NSUN6: variants seen among roughly 807,000 people sequenced by gnomAD.
The protein encoded by NSUN6 is NOP2/Sun RNA methyltransferase 6.
In NSUN6, 64 loss-of-function variants were observed where a neutral mutation model predicts 58.0. That is an observed-to-expected ratio of 1.10 (90% CI 0.90 to 1.36). The LOEUF (loss-of-function observed/expected upper bound fraction) is 1.36. NSUN6 is among the 40% of genes most tolerant of loss of function. The pLI is 0.00. For synonymous variants in NSUN6, 231 were observed against 193.9 expected (o/e 1.19, Z -1.59); for missense variants, 701 against 550.1 (o/e 1.27, Z -2.74).
chr10:18,596,555 C>G (rs2057595717), intron 6 of NSUN6, among the ~76,000 whole-genome samples: 1 of 152,088 alleles, frequency 6.6e-6, no homozygotes, highest in Admixed American at 6.6e-5. Context: ...ATATACATGA[C>G]ACAATTTTCA....
chr10:18,567,726 A>G (rs569302109), intron 8 of NSUN6, among the ~76,000 whole-genome samples: 5 of 94,192 alleles, frequency 5.3e-5, no homozygotes, highest in East Asian at 3.5e-4. Context: ...TCCATCCTCC[A>G]TTCCATTCTG....
At chr10:18,627,596 C>T (rs1047033251) in intron 3 of NSUN6, among the ~76,000 whole-genome samples, 3 of 152,156 alleles carry the variant, frequency 2.0e-5, no homozygotes, top group Admixed American at 1.3e-4. Flanking sequence ...TTGCCTCACT[C>T]GGGAAGCACA....
chr10:18,612,626 C>T (rs539208550), intron 5 of NSUN6, among the ~76,000 whole-genome samples: 1 of 152,288 alleles, frequency 6.6e-6, no homozygotes, highest in African/African-American at 2.4e-5. Flanking sequence ...AACTCAGTTC[C>T]TAACTACTAC....
chr10:18,567,036 T>C (rs1195310223), intron 8 of NSUN6, among the ~76,000 whole-genome samples: 1 of 151,442 alleles, frequency 6.6e-6, no homozygotes, highest in Admixed American at 6.6e-5. Context: ...TCCATTCCAT[T>C]CCATATTCTA....
intron 7 of NSUN6, among the ~76,000 whole-genome samples, chr10:18,594,308 C>T (rs568207108): frequency 5.1e-4 from 77 of 152,046 alleles, no homozygotes; most frequent in African/African-American, 1.8e-3. Flanking sequence ...TATTTTCTTG[C>T]TTTGTTTTCC....
At chr10:18,653,307 G>C, upstream of NSUN6, 1 of 981,048 alleles carries the variant, frequency 1.0e-6, no homozygotes, top group Non-Finnish European at 1.2e-6. Flanking sequence ...GAAAGAAAAT[G>C]CTGATAAAGC....
At chr10:18,652,442 CACAG>C (rs565276937), upstream of NSUN6, 443 of 984,736 alleles carry the variant, frequency 4.5e-4, 2 homozygotes, top group African/African-American at 7.4e-3. Flanking sequence ...GAATTATACA[CACAG>C]ACACACACAC....
At chr10:18,626,942 AG>A (rs1348234255) in intron 3 of NSUN6, among the ~76,000 whole-genome samples, 4 of 152,224 alleles carry the variant, frequency 2.6e-5, no homozygotes, top group African/African-American at 4.8e-5. Flanking sequence ...TCAAAAAGGG[AG>A]GAGCACGAAT....
At chr10:18,560,147 T>C (rs2055378749) in intron 8 of NSUN6, among the ~76,000 whole-genome samples, 1 of 145,436 alleles carries the variant, frequency 6.9e-6, no homozygotes, top group African/African-American at 2.6e-5. Context: ...GAATGGATAA[T>C]AGAATGGAAT....
At chr10:18,650,828 A>C (rs1423691369) in intron 1 of NSUN6, among the ~76,000 whole-genome samples, 1 of 152,252 alleles carries the variant, frequency 6.6e-6, no homozygotes, top group African/African-American at 2.4e-5. Context: ...ATTCGATTCG[A>C]GTTCTTGAAG....
intron 3 of NSUN6, among the ~76,000 whole-genome samples, chr10:18,629,223 C>G (rs926279599): frequency 3.3e-5 from 5 of 152,074 alleles, no homozygotes; most frequent in African/African-American, 9.7e-5. Flanking sequence ...TTGTCACCAC[C>G]AGGCCTGCCC....
intron 3 of NSUN6, among the ~76,000 whole-genome samples, chr10:18,634,585 A>AC (rs2059148869): frequency 2.1e-5 from 3 of 145,514 alleles, no homozygotes; most frequent in Non-Finnish European, 4.5e-5. Context: ...CCACATCTCT[A>AC]CTAAAAAAAA....
chr10:18,553,643 G>A (rs2054766937), intron 8 of NSUN6, among the ~76,000 whole-genome samples: 1 of 151,256 alleles, frequency 6.6e-6, no homozygotes, highest in Non-Finnish European at 1.5e-5. Flanking sequence ...AAGGAAGAAT[G>A]GAATGGAATG....
intron 6 of NSUN6, among the ~76,000 whole-genome samples, chr10:18,599,948 T>A (rs952112442): frequency 1.3e-5 from 2 of 152,234 alleles, no homozygotes; most frequent in Admixed American, 6.5e-5. Flanking sequence ...TTTAAAAGTT[T>A]CCTTTTTGAT....
chr10:18,619,885 G>A (rs1261882751), intron 3 of NSUN6, among the ~76,000 whole-genome samples: 1 of 152,010 alleles, frequency 6.6e-6, no homozygotes, highest in Non-Finnish European at 1.5e-5. Context: ...GTCTGTGTGT[G>A]TGGTATCACA....
At chr10:18,626,292 C>A (rs1236616178) in intron 3 of NSUN6, among the ~76,000 whole-genome samples, 1 of 150,272 alleles carries the variant, frequency 6.7e-6, no homozygotes, top group Non-Finnish European at 1.5e-5. Flanking sequence ...GTAATCCCAA[C>A]ACTTTGGGAG....
At chr10:18,578,141 G>A (rs1010440195) in intron 8 of NSUN6, among the ~76,000 whole-genome samples, 3 of 151,978 alleles carry the variant, frequency 2.0e-5, no homozygotes, top group Non-Finnish European at 2.9e-5. Context: ...ACCAGGAGGT[G>A]CCCTGCTCTG....
intron 5 of NSUN6, among the ~76,000 whole-genome samples, chr10:18,611,283 G>A (rs1216932429): frequency 6.6e-6 from 1 of 152,100 alleles, no homozygotes; most frequent in Non-Finnish European, 1.5e-5. Flanking sequence ...GACTCCATTA[G>A]GATGAGCAAA....
At chr10:18,636,153 A>G (rs2059207389) in intron 3 of NSUN6, among the ~76,000 whole-genome samples, 1 of 152,050 alleles carries the variant, frequency 6.6e-6, no homozygotes, top group Non-Finnish European at 1.5e-5. Context: ...GACATTCCCA[A>G]TCAAGAAAGT....
Sources: allele counts gnomAD v4.1 joint callset (sites outside exome capture counted in the v4.1 genomes callset), GRCh38; gene constraint gnomAD v4.1.1; transcripts MANE v1.5; gene names NCBI Gene and HGNC (gene_info 2026-07-23, HGNC 2026-07-21).